RALYL: variants seen among roughly 807,000 people sequenced by gnomAD.
RALYL encodes RALY RNA binding protein like, also known as RNA-binding Raly-like protein.
A neutral mutation model predicts 35.1 loss-of-function variants in RALYL; 29 were observed. The ratio of observed to expected loss-of-function variants is 0.83; its 90% CI spans 0.61 to 1.13. RALYL has a LOEUF of 1.13. RALYL is among the 50% of genes most tolerant of loss of function. The pLI is 0.00. For synonymous variants in RALYL, 120 were observed against 127.6 expected (o/e 0.94, Z 0.40); for missense variants, 359 against 360.4 (o/e 1.00, Z 0.03).
chr8:84,274,336 T>C (rs1198510803), intron 1 of RALYL, among the ~76,000 whole-genome samples: 1 of 152,186 alleles, frequency 6.6e-6, no homozygotes, highest in East Asian at 1.9e-4. Flanking sequence ...ATGACTTTTA[T>C]TAAACACAAT....
chr8:84,560,158 C>T (rs2061385972), intron 2 of RALYL, among the ~76,000 whole-genome samples: 1 of 151,842 alleles, frequency 6.6e-6, no homozygotes, highest in Non-Finnish European at 1.5e-5. Flanking sequence ...GCTAGACTTT[C>T]ATTCTTATGC....
At chr8:84,386,228 C>A (rs1320025438) in intron 1 of RALYL, among the ~76,000 whole-genome samples, 1 of 151,828 alleles carries the variant, frequency 6.6e-6, no homozygotes, top group Admixed American at 6.6e-5. Context: ...TGTAGTTAGC[C>A]TTTGCCCTTA....
chr8:84,638,003 T>C (rs1188673198), intron 2 of RALYL, among the ~76,000 whole-genome samples: 4 of 151,928 alleles, frequency 2.6e-5, no homozygotes, highest in African/African-American at 9.7e-5. Context: ...AACTGCAGAA[T>C]ATACATTCTA....
chr8:84,270,660 A>G (rs1834137192), intron 1 of RALYL, among the ~76,000 whole-genome samples: 1 of 152,080 alleles, frequency 6.6e-6, no homozygotes, highest in South Asian at 2.1e-4. Context: ...ACACTGTGAC[A>G]CTATAATATT....
At chr8:84,803,863 AC>A (rs759604964) in intron 3 of RALYL, among the ~76,000 whole-genome samples, 2 of 152,184 alleles carry the variant, frequency 1.3e-5, no homozygotes, top group Non-Finnish European at 2.9e-5. Flanking sequence ...AGTCATTTCA[AC>A]TGTCTTTCTT....
intron 1 of RALYL, among the ~76,000 whole-genome samples, chr8:84,320,843 AT>A (rs199804844): frequency 2.0e-5 from 3 of 151,762 alleles, no homozygotes; most frequent in Non-Finnish European, 2.9e-5. Flanking sequence ...AGATTATCAG[AT>A]TTTTTTTTCT....
chr8:84,816,989 T>C (rs1293100081), intron 4 of RALYL, among the ~76,000 whole-genome samples: 1 of 152,194 alleles, frequency 6.6e-6, no homozygotes, highest in Non-Finnish European at 1.5e-5. Flanking sequence ...AATTATTTTA[T>C]TATATTTATC....
chr8:84,626,144 T>C (rs1384650949), intron 2 of RALYL, among the ~76,000 whole-genome samples: 1 of 152,178 alleles, frequency 6.6e-6, no homozygotes, highest in Non-Finnish European at 1.5e-5. Flanking sequence ...GAGATAACAC[T>C]CAGTACTATA....
rs769845435 is a variant in RALYL, at chr8:84,403,524, GTTTTTTTTTTTTT to G, written c.-23-125757_-23-125745del. On this transcript the variant is annotated intron_variant, in intron 1 of 8. Transcript: ENST00000521268. Reference sequence around the variant, plus strand: ...TTCTGTTCCATTGGTCTATATCTCTGTTTTTTTTTTTTTTTTTTTTTTTTTTTTTTAACCAGTA... The same window carrying G: ...TTCTGTTCCATTGGTCTATATCTCTGTTTTTTTTTTTTTTTTTAACCAGTA... Among the ~76,000 whole-genome samples the G allele has an allele frequency of 1.2e-3, 46 of 39,480 alleles. 1 individual carries two copies. Among genetic ancestry groups the G allele is most frequent in the African/African-American group, 2.2e-3 (32 of 14,440 alleles). The allele number at this position is 39,480 out of a possible 152,430, so 25.9% of individuals were successfully genotyped here.
chr8:84,374,546 A>G (rs1563811858), intron 1 of RALYL, among the ~76,000 whole-genome samples: 1 of 151,998 alleles, frequency 6.6e-6, no homozygotes, highest in Non-Finnish European at 1.5e-5. Flanking sequence ...CAGCCATAAA[A>G]ATAAATGAGA....
intron 2 of RALYL, among the ~76,000 whole-genome samples, chr8:84,683,213 C>G (rs1166595623): frequency 6.6e-5 from 10 of 152,006 alleles, no homozygotes; most frequent in Admixed American, 4.6e-4. Context: ...GAGACAGTTT[C>G]TTATAATTTC....
chr8:84,765,741 T>G (rs539187162), intron 2 of RALYL, among the ~76,000 whole-genome samples: 1 of 152,066 alleles, frequency 6.6e-6, no homozygotes, highest in Non-Finnish European at 1.5e-5. Flanking sequence ...AATCCCTAAA[T>G]CTTCTAAATG....
Position 84,856,985 on chromosome 8 carries a change from G to A in RALYL, c.414-5311G>A, listed in dbSNP as rs1463521643. On this transcript the variant is annotated intron_variant, in intron 5 of 8. Transcript: ENST00000521268. ...GGAGCTTGCAGTGAGCCGAGATTGC[G>A]CCACTGCAGTCCGCAGTCCGGCCTG... Among the ~76,000 whole-genome samples the A allele has an allele frequency of 2.9e-5, 4 of 136,318 alleles. No individual in the cohort carries two copies. The East Asian group carries it at 6.4e-4, about 22-fold the overall frequency. The allele number at this position is 136,318 out of a possible 152,430, so 89.4% of individuals were successfully genotyped here.
At chr8:84,363,159 G>A (rs1853446391) in intron 1 of RALYL, among the ~76,000 whole-genome samples, 1 of 152,144 alleles carries the variant, frequency 6.6e-6, no homozygotes, top group Non-Finnish European at 1.5e-5. Flanking sequence ...AGGACAAACT[G>A]GGACTGATGA....
intron 1 of RALYL, among the ~76,000 whole-genome samples, chr8:84,525,328 T>C (rs1363584980): frequency 3.9e-5 from 6 of 152,196 alleles, no homozygotes; most frequent in Non-Finnish European, 5.9e-5. Flanking sequence ...ATTTGTTTTT[T>C]AGTTGTAACA....
intron 2 of RALYL, among the ~76,000 whole-genome samples, chr8:84,773,560 G>T (rs533921027): frequency 6.6e-6 from 1 of 152,186 alleles, no homozygotes; most frequent in African/African-American, 2.4e-5. Context: ...GATTGAGGTT[G>T]GTCAGTTGTA....
At chr8:84,414,252 A>G (rs1214608036) in intron 1 of RALYL, among the ~76,000 whole-genome samples, 1 of 152,180 alleles carries the variant, frequency 6.6e-6, no homozygotes, top group Non-Finnish European at 1.5e-5. Flanking sequence ...TAGCAAAGAA[A>G]ATTAACAATA....
At chr8:84,577,252 C>T (rs1301492897) in intron 2 of RALYL, among the ~76,000 whole-genome samples, 1 of 152,226 alleles carries the variant, frequency 6.6e-6, no homozygotes, top group Non-Finnish European at 1.5e-5. Flanking sequence ...TTGCAAGGTA[C>T]ATTCACAAAG....
chr8:84,782,440 T>C (rs6982287), intron 3 of RALYL, among the ~76,000 whole-genome samples: 5,062 of 152,268 alleles, frequency 0.033, 274 homozygotes, highest in African/African-American at 0.12. Flanking sequence ...AAACCAAGCA[T>C]GGGATAGAAA....
Sources: gnomAD v4.1 joint callset for allele counts (sites outside exome capture counted in the v4.1 genomes callset) on GRCh38, gnomAD v4.1.1 for gene constraint, MANE v1.5 for transcripts, NCBI Gene and HGNC (gene_info 2026-07-23, HGNC 2026-07-21) for gene names.